PCDHGA11: variants seen among roughly 807,000 people sequenced by gnomAD.
The protein encoded by PCDHGA11 is protocadherin gamma subfamily A, 11.
A neutral mutation model predicts 60.4 loss-of-function variants in PCDHGA11; 39 were observed. The ratio of observed to expected loss-of-function variants is 0.65; its 90% CI spans 0.50 to 0.84. The LOEUF is 0.84. Among genes scored for constraint, PCDHGA11 ranks in the 40% least tolerant of loss-of-function variants. The probability of loss-of-function intolerance (pLI) is 0.00; values close to 1 mark genes in which losing one functional copy is unlikely to be tolerated. For synonymous variants in PCDHGA11, 533 were observed against 510.3 expected, an observed-to-expected ratio of 1.04 and a Z score of -0.60; for missense variants, 1,165 against 1,197.7, an observed-to-expected ratio of 0.97 and a Z score of 0.40.
rs1457765340 is a variant in PCDHGA11 at position 141,491,122 on chromosome 5, G to GT, written c.2434-3684dup. 1 of 1,614,058 alleles carries GT rather than the reference G, an allele frequency of 6.2e-7. No homozygotes were observed. Among genetic ancestry groups the GT allele is most frequent in the Non-Finnish European group, 8.5e-7 (1 of 1,180,036 alleles). Reference sequence around the variant, plus strand: ...CCTCGTGTCTACACACACTGGTGAGGTGCGCACAGCCCGGGCCTTACTGGA... The same window carrying GT: ...CCTCGTGTCTACACACACTGGTGAGGTTGCGCACAGCCCGGGCCTTACTGGA... On this transcript the variant is annotated intron_variant, in intron 1 of 3. Coordinates refer to ENST00000398587, the MANE Select transcript of PCDHGA11 (RefSeq NM_018914.3). The surrounding 1 kb of genome is among the most constrained non-coding windows in gnomAD (Gnocchi z 6.9).
intron 1 of PCDHGA11, among the ~76,000 whole-genome samples, chr5:141,436,522 C>T (rs933890051): frequency 3.9e-5 from 6 of 152,088 alleles, no homozygotes; most frequent in African/African-American, 1.4e-4. Context: ...ACTGTGTCAC[C>T]TTTAGCAAGT....
chr5:141,441,697 C>A (rs1415018255), intron 1 of PCDHGA11: 4 of 307,190 alleles, frequency 1.3e-5, no homozygotes, highest in Non-Finnish European at 1.3e-5. Flanking sequence ...CAGCCGCGAG[C>A]CTTCAAGCTC....
chr5:141,433,038 C>A, intron 1 of PCDHGA11: 3 of 1,614,180 alleles, frequency 1.9e-6, no homozygotes, highest in Non-Finnish European at 2.5e-6. Flanking sequence ...GTTTCCCTCA[C>A]CACGGACTCG....
At chr5:141,449,471 G>T (rs1261821886) in intron 1 of PCDHGA11, among the ~76,000 whole-genome samples, 1 of 151,060 alleles carries the variant, frequency 6.6e-6, no homozygotes, top group African/African-American at 2.4e-5. Flanking sequence ...GCCAGGCCTG[G>T]TACCCCATGC....
At position 141,505,629 on chromosome 5, in the gene PCDHGA11, C is replaced by T. The variant is rs1475582931; in HGVS notation, c.2581+148C>T. 7.4e-6 allele frequency: 11 copies of T among 1,482,192 alleles called. No individual in the cohort carries two copies. The African/African-American group carries it at 9.8e-5, about 13-fold the overall frequency. The allele number at this position is 1,482,192 out of a possible 1,614,324, so 91.8% of individuals were successfully genotyped here. ...GTCTGAAAGGACCCACAATTCCAAACATAAAGCCTGGAATTGTGGCTAAGG... is the reference window on the plus strand; with the variant it reads ...GTCTGAAAGGACCCACAATTCCAAATATAAAGCCTGGAATTGTGGCTAAGG... On this transcript the variant is annotated intron_variant, in intron 3 of 3. Coordinates refer to ENST00000398587, the MANE Select transcript of PCDHGA11 (RefSeq NM_018914.3).
In PCDHGA11 at chr5:141,489,412, G is replaced by C; in HGVS notation, c.2434-5395G>C. On this transcript the variant is annotated intron_variant, in intron 1 of 3. Coordinates refer to ENST00000398587, the MANE Select transcript of PCDHGA11 (RefSeq NM_018914.3). The surrounding 1 kb of genome is among the most constrained non-coding windows in gnomAD (Gnocchi z 4.5). ...TCAGGATCTGGGCTTAAAGATGACAGATCTGTTGAGCCGGCGGCTGCAATT... is the reference window on the plus strand; with the variant it reads ...TCAGGATCTGGGCTTAAAGATGACACATCTGTTGAGCCGGCGGCTGCAATT... The C allele has an allele frequency of 6.2e-7, 1 of 1,614,172 alleles. No individual in the cohort carries two copies. Among genetic ancestry groups the C allele is most frequent in the Non-Finnish European group, 8.5e-7 (1 of 1,180,040 alleles).
At chr5:141,430,383 G>A (rs527531595) in intron 1 of PCDHGA11, among the ~76,000 whole-genome samples, 74 of 138,604 alleles carry the variant, frequency 5.3e-4, no homozygotes, top group Admixed American at 8.6e-4. Flanking sequence ...AGCTCATTGG[G>A]AAAAAAAAAA....
rs1591094034 is a variant in PCDHGA11 at position 141,431,659 on chromosome 5, A to T, written c.2433+7999A>T. 3.7e-6 allele frequency: 6 copies of T among 1,614,246 alleles called. No individual in the cohort carries two copies. The highest frequency in any genetic ancestry group is 3.4e-6 in the Non-Finnish European group (4 of 1,180,036). On this transcript the variant is annotated intron_variant, in intron 1 of 3. Coordinates refer to ENST00000398587, the MANE Select transcript of PCDHGA11 (RefSeq NM_018914.3). This position sits in a 1 kb window ranked among gnomAD's most constrained non-coding sequence, Gnocchi z 4.8. ...TCAAACTAGATTGTAATTCAGGGAC[A>T]ATATCAACAATAGGGGAGTTGGACC...
At chr5:141,456,731 G>A (rs1282690673) in intron 1 of PCDHGA11, among the ~76,000 whole-genome samples, 1 of 152,214 alleles carries the variant, frequency 6.6e-6, no homozygotes, top group Non-Finnish European at 1.5e-5. Flanking sequence ...TTGGGAGGCT[G>A]AGGCGGGAGC....
At chr5:141,467,627 G>A (rs2099147481) in intron 1 of PCDHGA11, among the ~76,000 whole-genome samples, 1 of 152,140 alleles carries the variant, frequency 6.6e-6, no homozygotes, top group South Asian at 2.1e-4. Context: ...ATTTGAGATA[G>A]CATCTTTATC....
Position 141,454,796 on chromosome 5 carries a change from A to ATTTTTTTTTTTTT in PCDHGA11, c.2433+31153_2433+31165dup, listed in dbSNP as rs61612330. On this transcript the variant is annotated intron_variant, in intron 1 of 3. Coordinates refer to ENST00000398587, the MANE Select transcript of PCDHGA11 (RefSeq NM_018914.3). ...AAGGAAATAATCCTCCATGGTTCTAATTTTTTTTTTTTTTTTTTTTTTTTT... is the reference window on the plus strand; with the variant it reads ...AAGGAAATAATCCTCCATGGTTCTAATTTTTTTTTTTTTTTTTTTTTTTTTTTTTTTTTTTTTT... Among the ~76,000 whole-genome samples the ATTTTTTTTTTTTT allele has an allele frequency of 1.7e-3, 135 of 77,462 alleles. 8 individuals carry two copies. The highest frequency in any genetic ancestry group is 2.5e-3 in the Admixed American group (14 of 5,554). The allele number at this position is 77,462 out of a possible 152,430, so 50.8% of individuals were successfully genotyped here.
At chr5:141,441,757 G>A (rs1423867327) in intron 1 of PCDHGA11, 2 of 381,638 alleles carry the variant, frequency 5.2e-6, no homozygotes, top group Middle Eastern at 6.5e-4. Context: ...GTCAACGTGA[G>A]CCTGCGCGTG....
chr5:141,473,004 AAAAG>A (rs1215989598), intron 1 of PCDHGA11, among the ~76,000 whole-genome samples: 5 of 151,730 alleles, frequency 3.3e-5, no homozygotes, highest in Non-Finnish European at 7.4e-5. Context: ...AAAAGAAAGA[AAAAG>A]AAAAAGAAAG....
chr5:141,496,140 T>C (rs1172903212), intron 2 of PCDHGA11, among the ~76,000 whole-genome samples: 1 of 152,006 alleles, frequency 6.6e-6, no homozygotes, highest in Admixed American at 6.6e-5. Flanking sequence ...CACTGAGCCT[T>C]TGATCGCAGC....
chr5:141,422,913 G>T lies in PCDHGA11; in HGVS notation c.1686G>T (p.Glu562Asp). The T allele has an allele frequency of 6.2e-7, 1 of 1,614,248 alleles. No individual in the cohort carries two copies. The highest frequency in any genetic ancestry group is 8.5e-7 in the Non-Finnish European group (1 of 1,180,042). Reference sequence around the variant, plus strand: ...TGGACCAGAACGACAATGCGCCCGAGATCCTGTACCCTGCCCTCCCCACAG... The same window carrying T: ...TGGACCAGAACGACAATGCGCCCGATATCCTGTACCCTGCCCTCCCCACAG... The part of the protein sequence containing the change: ...FVLDQNDNAP[E>D]ILYPALPTDG... Residue 562 changes from glutamate to aspartate, a missense_variant, in exon 1 of 4, where the codon GAG (glutamate) becomes GAT (aspartate). By Grantham distance (45) the Glu-to-Asp change is conservative. Coordinates refer to ENST00000398587, the MANE Select transcript of PCDHGA11 (RefSeq NM_018914.3).
At chr5:141,454,625 C>T (rs1193628253) in intron 1 of PCDHGA11, among the ~76,000 whole-genome samples, 2 of 151,512 alleles carry the variant, frequency 1.3e-5, no homozygotes, top group East Asian at 1.9e-4. Flanking sequence ...AGGCTGGTCT[C>T]GAACCCCCAA....
At position 141,485,396 on chromosome 5, in the gene PCDHGA11, T is replaced by C. The variant is rs1466959644; in HGVS notation, c.2434-9411T>C. 2.5e-6 allele frequency: 4 copies of C among 1,614,042 alleles called. No homozygotes were observed. Among genetic ancestry groups the C allele is most frequent in the Non-Finnish European group, 3.4e-6 (4 of 1,179,960 alleles). On this transcript the variant is annotated intron_variant, in intron 1 of 3. Coordinates refer to ENST00000398587, the MANE Select transcript of PCDHGA11 (RefSeq NM_018914.3). The surrounding 1 kb of genome is among the most constrained non-coding windows in gnomAD (Gnocchi z 5.7). ...CGCTGGAGAGGTGAACCAAAGACAC[T>C]TCCGTGTGGATTTGGACAGCGGAGC...
intron 1 of PCDHGA11, chr5:141,468,556 GAT>G (rs754546771): frequency 6.6e-6 from 1 of 151,930 alleles, no homozygotes; most frequent in Non-Finnish European, 1.5e-5. Flanking sequence ...TAACATTTGT[GAT>G]ATAGTAAACA....
chr5:141,423,279 C>T lies in PCDHGA11; in HGVS notation c.2052C>T (p.Asn684=). The T allele has an allele frequency of 1.9e-6, 3 of 1,614,032 alleles. No individual in the cohort carries two copies. Among genetic ancestry groups the T allele is most frequent in the Non-Finnish European group, 2.5e-6 (3 of 1,179,984 alleles). The change falls in exon 1 of 4, where the codon AAC becomes AAT. Residue 684 remains asparagine (N), a synonymous_variant. Transcript: ENST00000398587. Reference sequence around the variant, plus strand: ...TCGGCAGCCTCGAGTCTCTGGCTAACTCTGAAACCTCAGACCTCTCGCTGT... The same window carrying T: ...TCGGCAGCCTCGAGTCTCTGGCTAATTCTGAAACCTCAGACCTCTCGCTGT... ...ADLGSLESLA[N]SETSDLSLYL...
Sources: gnomAD v4.1 joint callset for allele counts (sites outside exome capture counted in the v4.1 genomes callset) on GRCh38, gnomAD v4.1.1 for gene constraint, Gnocchi (gnomAD v3.1) non-coding constraint, MANE v1.5 for transcripts, NCBI Gene and HGNC (gene_info 2026-07-23, HGNC 2026-07-21) for gene names.